Variants in FOCAD observed in about 807,000 individuals in gnomAD.
FOCAD encodes the protein KIAA1797.
Under a neutral mutation model 225.6 loss-of-function variants are expected in FOCAD, and 198 were observed. The observed-to-expected ratio is 0.88, with a 90% CI of 0.78 to 0.99. The LOEUF is 0.99. FOCAD is among the 50% of genes least tolerant of loss of function. The pLI, the probability that FOCAD is intolerant of heterozygous loss-of-function variation, is 0.00. For missense variants in FOCAD, 2,713 were observed against 2,123.6 expected (o/e 1.28, Z -5.46); for synonymous variants, 897 against 755.0 (o/e 1.19, Z -3.08).
intron 4 of FOCAD, among the ~76,000 whole-genome samples, chr9:20,739,381 G>T (rs552217853): frequency 6.6e-6 from 1 of 152,116 alleles, no homozygotes; most frequent in South Asian, 2.1e-4. Flanking sequence ...AGGCAGGCGG[G>T]TCACCTAAGG....
intron 15 of FOCAD, among the ~76,000 whole-genome samples, chr9:20,823,948 G>C (rs752158003): frequency 6.6e-6 from 1 of 152,082 alleles, no homozygotes; most frequent in Non-Finnish European, 1.5e-5. Flanking sequence ...TTTTACAGAT[G>C]AGGAAGATAG....
chr9:20,849,337 T>C (rs140109339), intron 15 of FOCAD, among the ~76,000 whole-genome samples: 30 of 151,974 alleles, frequency 2.0e-4, no homozygotes, highest in Admixed American at 6.6e-4. Context: ...ATCTATCCTC[T>C]CCTTTCCCCC....
chr9:20,829,372 T>A (rs559279383), intron 15 of FOCAD, among the ~76,000 whole-genome samples: 2 of 152,122 alleles, frequency 1.3e-5, no homozygotes. Context: ...TGATTTGCAT[T>A]TCTCTGATGA....
chr9:20,775,622 A>G (rs1056131534), intron 8 of FOCAD, among the ~76,000 whole-genome samples: 11 of 152,148 alleles, frequency 7.2e-5, no homozygotes, highest in Admixed American at 2.6e-4. Context: ...TTTTCTCTTT[A>G]AAAATACTTT....
chr9:20,866,050 C>T, intron 17 of FOCAD, 74 bp downstream of exon 17: 1 of 1,266,792 alleles, frequency 7.9e-7, no homozygotes, highest in Non-Finnish European at 1.1e-6. Flanking sequence ...AAATAAGACT[C>T]TTAGGATAAA....
Position 20,943,437 on chromosome 9 carries a change from G to A in FOCAD, c.3408-1190G>A, listed in dbSNP as rs1486683150. 2.7e-5 allele frequency among the ~76,000 whole-genome samples: 4 copies of A among 147,306 alleles called. No homozygotes were observed. In the East Asian group the frequency reaches 8.0e-4, roughly 30 times the overall value. ...GAGGGGCTTTGGGTTTGGCAGATGG[G>A]GCAGAAGGCTAGGAATAAAAAAAAT... On this transcript the variant is annotated intron_variant, in intron 28 of 43. Transcript: ENST00000338382.
intron 19 of FOCAD, among the ~76,000 whole-genome samples, chr9:20,880,617 T>C (rs1014546421): frequency 2.0e-5 from 3 of 152,178 alleles, no homozygotes; most frequent in Non-Finnish European, 4.4e-5. Flanking sequence ...TATTGGTGTT[T>C]TTGAGCTTTG....
At chr9:20,960,940 T>C (rs1339787431) in intron 35 of FOCAD, among the ~76,000 whole-genome samples, 1 of 152,188 alleles carries the variant, frequency 6.6e-6, no homozygotes, top group Non-Finnish European at 1.5e-5. Context: ...TTTTTATGGC[T>C]GCATAGTATT....
chr9:20,848,871 T>C (rs1375614522), intron 15 of FOCAD, among the ~76,000 whole-genome samples: 1 of 151,868 alleles, frequency 6.6e-6, no homozygotes, highest in East Asian at 1.9e-4. Context: ...CTATTATTAT[T>C]ATTATTATTT....
Position 20,981,461 on chromosome 9 carries a change from T to C in FOCAD, c.4413T>C (p.Pro1471=), listed in dbSNP as rs1840692539. The C allele has an allele frequency of 5.0e-6, 8 of 1,614,040 alleles. No individual in the cohort carries two copies. Among genetic ancestry groups the C allele is most frequent in the Non-Finnish European group, 6.8e-6 (8 of 1,180,000 alleles). ...NTKRYLLISA[P]LWIKHISDEQ... ...AGAGATATCTCCTGATATCTGCACC[T>C]CTGTGGATAAAACACATCTCTGATG... The change falls in exon 38 of 44, where the codon CCT becomes CCC. Residue 1471 remains proline (P), a synonymous_variant. Coordinates refer to ENST00000338382, the MANE Select transcript of FOCAD (RefSeq NM_001375567.1).
intron 4 of FOCAD, among the ~76,000 whole-genome samples, chr9:20,735,384 T>G (rs1046745556): frequency 1.3e-5 from 2 of 152,224 alleles, no homozygotes; most frequent in Non-Finnish European, 2.9e-5. Flanking sequence ...TAGTCACATT[T>G]GAAAAATAAT....
intron 1 of FOCAD, among the ~76,000 whole-genome samples, chr9:20,707,763 T>G (rs1024170281): frequency 6.6e-6 from 1 of 152,182 alleles, no homozygotes; most frequent in Non-Finnish European, 1.5e-5. Flanking sequence ...TAAGTGGACC[T>G]TTTCTCAAGG....
At chr9:20,945,267 G>T (rs1052676187) in intron 29 of FOCAD, among the ~76,000 whole-genome samples, 1 of 152,198 alleles carries the variant, frequency 6.6e-6, no homozygotes, top group African/African-American at 2.4e-5. Context: ...TGCAGAATTG[G>T]AGTTCATGTG....
At chr9:20,655,973 T>G (rs1350618204), upstream of FOCAD, among the ~76,000 whole-genome samples, 6 of 152,168 alleles carry the variant, frequency 3.9e-5, no homozygotes, top group Non-Finnish European at 4.4e-5. Context: ...TCTGGTATGT[T>G]GTGTCTTTGT....
chr9:20,728,756 G>C (rs1379254468), intron 4 of FOCAD, among the ~76,000 whole-genome samples: 1 of 152,178 alleles, frequency 6.6e-6, no homozygotes, highest in African/African-American at 2.4e-5. Flanking sequence ...TTTGGCAGCA[G>C]TTTCCTGTGT....
Position 20,954,134 on chromosome 9 carries a change from C to T in FOCAD, c.4132+1069C>T, listed in dbSNP as rs568151960. On this transcript the variant is annotated intron_variant, in intron 35 of 43. Transcript: ENST00000338382. ...TCCTGAATTAGCATGATTTACTTAT[C>T]CTCAGTAAAAATTGACATATGGTTA... Among the ~76,000 whole-genome samples the T allele has an allele frequency of 2.2e-4, 33 of 152,172 alleles. 1 individual carries two copies. The South Asian group carries it at 6.6e-3, about 31-fold the overall frequency.
rs184298675 is a variant in FOCAD, at chr9:20,804,171, T to G, written c.1455+14563T>G. On this transcript the variant is annotated intron_variant, in intron 11 of 43. Transcript: ENST00000338382. ...GGTTTACAAGTAGAAGTCTCAAAAT[T>G]CACTTTAGCTTAAGCTTTCCTTGGT... Among the ~76,000 whole-genome samples the G allele has an allele frequency of 8.5e-5, 13 of 152,232 alleles. 1 individual carries two copies. The East Asian group carries it at 2.5e-3, about 30-fold the overall frequency.
intron 11 of FOCAD, among the ~76,000 whole-genome samples, chr9:20,798,968 T>G (rs2131265605): frequency 6.6e-6 from 1 of 152,340 alleles, no homozygotes; most frequent in South Asian, 2.1e-4. Flanking sequence ...CTTTCCTGCT[T>G]TCTCTTGTGG....
At chr9:20,951,153 C>T (rs1307742083) in intron 34 of FOCAD, 55 bp downstream of exon 34, 36 of 1,332,616 alleles carry the variant, frequency 2.7e-5, no homozygotes, top group East Asian at 6.9e-5. Context: ...GCCGACCCAG[C>T]GCTCTGTAGT....
Sources: allele counts gnomAD v4.1 joint callset (sites outside exome capture counted in the v4.1 genomes callset), GRCh38; gene constraint gnomAD v4.1.1; transcripts MANE v1.5; gene names NCBI Gene and HGNC (gene_info 2026-07-23, HGNC 2026-07-21).